UNC45B: variants seen among roughly 807,000 people sequenced by gnomAD.
UNC45B encodes protein unc-45 homolog B.
UNC45B carries 78 observed loss-of-function variants against 98.7 expected under a neutral mutation model. That is an observed-to-expected ratio of 0.79 (90% CI 0.66 to 0.95). The LOEUF is 0.95. Ranked by LOEUF, UNC45B falls within the 40% of genes least tolerant of loss-of-function variation. The pLI, the probability that UNC45B is intolerant of heterozygous loss-of-function variation, is 0.00. For synonymous variants in UNC45B, 462 were observed against 480.4 expected (o/e 0.96, Z 0.50); for missense variants, 1,225 against 1,184.9 (o/e 1.03, Z -0.50).
intron 18 of UNC45B, among the ~76,000 whole-genome samples, chr17:35,180,925 A>G (rs1478364282): frequency 6.6e-6 from 1 of 152,186 alleles, no homozygotes; most frequent in Non-Finnish European, 1.5e-5. Context: ...GGGCTAGATG[A>G]GGTGGAAGGC....
chr17:35,179,308 T>C (rs2092257481), intron 17 of UNC45B, among the ~76,000 whole-genome samples: 1 of 152,216 alleles, frequency 6.6e-6, no homozygotes, highest in East Asian at 1.9e-4. Context: ...TTTTATTCTG[T>C]TGGTAGCAGT....
At chr17:35,163,107 T>C (rs2092112899) in intron 8 of UNC45B, among the ~76,000 whole-genome samples, 1 of 152,226 alleles carries the variant, frequency 6.6e-6, no homozygotes, top group South Asian at 2.1e-4. Context: ...CTCTGAAAGA[T>C]GGAAATAATG....
chr17:35,155,317 G>A lies in UNC45B; in HGVS notation c.661G>A (p.Val221Met). 4 of 1,614,170 alleles carry A rather than the reference G, an allele frequency of 2.5e-6. No homozygotes were observed. Among genetic ancestry groups the A allele is most frequent in the Non-Finnish European group, 3.4e-6 (4 of 1,180,038 alleles). Residue 221 changes from valine (V) to methionine (M), a missense_variant, in exon 7 of 20, where the codon GTG becomes ATG. Transcript: ENST00000394570. ...CTAGGCCACAGTGATTCTGCATGCAGTGCGGATAGACCGAATCTGTAGCCT... is the reference window on the plus strand; with the variant it reads ...CTAGGCCACAGTGATTCTGCATGCAATGCGGATAGACCGAATCTGTAGCCT... ...QARATVILHA[V>M]RIDRICSLMA...
intron 14 of UNC45B, 126 bp from the exon 15 acceptor site, chr17:35,175,842 G>T (rs2092228820): frequency 1.2e-6 from 1 of 807,556 alleles, no homozygotes; most frequent in Non-Finnish European, 2.0e-6. Context: ...CACACAAGTG[G>T]CACTTTCCAT....
Position 35,177,521 on chromosome 17 carries a change from A to C in UNC45B, c.2166A>C (p.Val722=), listed in dbSNP as rs1370051020. The part of the protein sequence containing the change: ...ERVYEVVRPL[V]RLLDTQRDGL... ...TGTATGAGGTGGTGCGGCCCCTTGT[A>C]AGACTCTTGGACACACAGAGGGATG... Residue 722 remains valine (V), a synonymous_variant, in exon 17 of 20, where the codon GTA becomes GTC. Coordinates refer to ENST00000394570, the MANE Select transcript of UNC45B (RefSeq NM_001267052.2). 1.3e-6 allele frequency: 2 copies of C among 1,566,236 alleles called. No homozygotes were observed. The highest frequency in any genetic ancestry group is 1.7e-6 in the Non-Finnish European group (2 of 1,154,610).
intron 15 of UNC45B, among the ~76,000 whole-genome samples, 169 bp downstream of exon 15, chr17:35,176,203 A>G (rs1262774415): frequency 6.6e-6 from 1 of 152,054 alleles, no homozygotes; most frequent in Admixed American, 6.6e-5. Flanking sequence ...TTATGCTATG[A>G]TGGTATGTAC....
chr17:35,155,540 C>T lies in UNC45B; in HGVS notation c.808+76C>T, dbSNP rs1597908489. 2.0e-6 allele frequency: 3 copies of T among 1,479,214 alleles called. No individual in the cohort carries two copies. The East Asian group carries it at 6.8e-5, about 34-fold the overall frequency. 91.6% of individuals were successfully genotyped at this position (1,479,214 alleles called of 1,614,324 possible). ...CAGTTGCTACCTCAGACTGGGAATT[C>T]CCTGTATGTGGGGGTGGCTTGGTTT... On this transcript the variant is annotated intron_variant, in intron 7 of 19. Transcript: ENST00000394570.
At chr17:35,173,345 C>T (rs1278344973) in intron 13 of UNC45B, among the ~76,000 whole-genome samples, 2 of 151,900 alleles carry the variant, frequency 1.3e-5, no homozygotes, top group African/African-American at 4.8e-5. Flanking sequence ...AGGCTGGTCT[C>T]GAACTCCTGG....
intron 10 of UNC45B, 26 bp from the exon 11 acceptor site, chr17:35,169,811 T>C: frequency 6.2e-7 from 1 of 1,605,990 alleles, no homozygotes; most frequent in Non-Finnish European, 8.5e-7. Context: ...ATCCTGCATG[T>C]GTCTGCTGTC....
At chr17:35,148,173 G>A (rs1053461072) in intron 1 of UNC45B, 91 bp from the exon 2 acceptor site, 2 of 1,441,974 alleles carry the variant, frequency 1.4e-6, no homozygotes, top group Non-Finnish European at 1.9e-6. Context: ...CTGGTGTGAG[G>A]GGACCCTGGA....
chr17:35,155,684 C>G (rs771512251), intron 7 of UNC45B, among the ~76,000 whole-genome samples: 6 of 152,174 alleles, frequency 3.9e-5, no homozygotes, highest in Non-Finnish European at 7.4e-5. Context: ...CTTCTCCTGC[C>G]TCAGCCTCCC....
In UNC45B at chr17:35,174,294, T is replaced by A. The variant is rs1180213259; in HGVS notation, c.1883T>A (p.Val628Asp). 1 of 1,613,998 alleles carries A rather than the reference T, an allele frequency of 6.2e-7. No individual in the cohort carries two copies. The highest frequency in any genetic ancestry group is 1.7e-5 in the Admixed American group (1 of 59,996). Residue 628 changes from valine to aspartate, a missense_variant, in exon 14 of 20, where the codon GTC (valine) becomes GAC (aspartate). Transcript: ENST00000394570. Reference protein sequence around the residue: ...MRVKRLLKAGVISALACMVKA... With the variant: ...MRVKRLLKAGDISALACMVKA... ...GTGAAGCGGCTTCTGAAGGCGGGTG[T>A]CATCTCTGCCCTGGCTTGCATGGTG...
chr17:35,166,144 T>C (rs2142559147), intron 9 of UNC45B, among the ~76,000 whole-genome samples: 1 of 140,942 alleles, frequency 7.1e-6, no homozygotes, highest in African/African-American at 2.6e-5. Flanking sequence ...GGCACACCCC[T>C]GTAGTCTCAG....
intron 8 of UNC45B, among the ~76,000 whole-genome samples, chr17:35,160,290 A>T (rs2092093686): frequency 6.6e-6 from 1 of 152,212 alleles, no homozygotes; most frequent in Admixed American, 6.5e-5. Flanking sequence ...AATTTATTAA[A>T]CCTTTGGAGA....
At chr17:35,181,623 T>A (rs533803944) in intron 18 of UNC45B, among the ~76,000 whole-genome samples, 1 of 152,032 alleles carries the variant, frequency 6.6e-6, no homozygotes, top group Admixed American at 6.6e-5. Context: ...AAACCCTGTC[T>A]CTACTAAAAG....
At chr17:35,172,618 G>A (rs2092196148) in intron 13 of UNC45B, among the ~76,000 whole-genome samples, 1 of 152,202 alleles carries the variant, frequency 6.6e-6, no homozygotes, top group Admixed American at 6.5e-5. Flanking sequence ...CTGTGGCTGT[G>A]AAGTTCCAGT....
chr17:35,148,110 A>T (rs1215777281), intron 1 of UNC45B, among the ~76,000 whole-genome samples, 154 bp from the exon 2 acceptor site: 1 of 152,100 alleles, frequency 6.6e-6, no homozygotes, highest in Non-Finnish European at 1.5e-5. Context: ...GGGGCAATAG[A>T]TTTGGGGGTT....
At chr17:35,185,147 T>C (rs147597111) in intron 19 of UNC45B, among the ~76,000 whole-genome samples, 101 of 152,290 alleles carry the variant, frequency 6.6e-4, no homozygotes, top group African/African-American at 2.3e-3. Context: ...AAAGTTGGGT[T>C]AGATGCTCAA....
At chr17:35,177,923 C>T (rs571107105) in intron 17 of UNC45B, among the ~76,000 whole-genome samples, 5 of 148,648 alleles carry the variant, frequency 3.4e-5, no homozygotes, top group South Asian at 4.3e-4. Flanking sequence ...TTATCAAGAC[C>T]GAGTCTTGCT....
Sources: gnomAD v4.1 joint callset for allele counts (sites outside exome capture counted in the v4.1 genomes callset) on GRCh38, gnomAD v4.1.1 for gene constraint, MANE v1.5 for transcripts, NCBI Gene and HGNC (gene_info 2026-07-23, HGNC 2026-07-21) for gene names.